The following FER1L5 variants were observed in gnomAD, a reference collection of about 807,000 sequenced individuals.
FER1L5 encodes the protein fer-1 like family member 5, also known as fer-1-like protein 5.
FER1L5 carries 187 observed loss-of-function variants against 279.9 expected under a neutral mutation model. That is an observed-to-expected ratio of 0.67 (90% CI 0.59 to 0.75). FER1L5 has a LOEUF of 0.75. Ranked by LOEUF, FER1L5 falls within the 30% of genes least tolerant of loss-of-function variation. The pLI is 0.00. For synonymous variants in FER1L5, 921 were observed against 989.7 expected, an observed-to-expected ratio of 0.93 and a Z score of 1.30; for missense variants, 2,091 against 2,594.4, an observed-to-expected ratio of 0.81 and a Z score of 4.21.
Position 96,703,311 on chromosome 2 carries a change from T to A in FER1L5, c.5656T>A (p.Cys1886Ser), listed in dbSNP as rs1204741325. ...KKKTVTGWWP[C>S]QVLDGGKWRL... ...GAAGACTGTGACTGGCTGGTGGCCT[T>A]GCCAGGTCCTCGATGGTGGCAAATG... The change falls in exon 50 of 53, where the codon TGC (cysteine) becomes AGC (serine). Residue 1886 changes from cysteine to serine, a missense_variant. Transcript: ENST00000624922. 1.9e-6 allele frequency: 3 copies of A among 1,612,972 alleles called. No homozygotes were observed. The African/African-American group carries it at 4.0e-5, about 22-fold the overall frequency.
At chr2:96,682,388 G>A (rs991284025) in intron 19 of FER1L5, among the ~76,000 whole-genome samples, 1 of 152,198 alleles carries the variant, frequency 6.6e-6, no homozygotes, top group African/African-American at 2.4e-5. Context: ...CACCGCACCC[G>A]GCCAAGAGAT....
At position 96,651,758 on chromosome 2, in the gene FER1L5, C is replaced by T. The variant is rs573687940; in HGVS notation, c.505-134C>T. 790 of 1,277,666 alleles carry T rather than the reference C, an allele frequency of 6.2e-4. 1 individual carries two copies. Among genetic ancestry groups the T allele is most frequent in the Non-Finnish European group, 8.1e-4 (752 of 924,374 alleles). The allele number at this position is 1,277,666 out of a possible 1,614,324, so 79.1% of individuals were successfully genotyped here. On this transcript the variant is annotated intron_variant, in intron 6 of 52. Transcript: ENST00000624922. ...CTGGGCTCAAGCGATTCTCCCACCT[C>T]GGCCTCCCAAAGTGCTGGGATTACA...
intron 24 of FER1L5, 59 bp downstream of exon 24, chr2:96,688,006 G>C (rs2076996960): frequency 6.5e-7 from 1 of 1,541,152 alleles, no homozygotes; most frequent in South Asian, 1.2e-5. Flanking sequence ...GGGTAGGGTG[G>C]CCTCGTAGGG....
At chr2:96,692,595 A>G (rs1006389651) in intron 31 of FER1L5, among the ~76,000 whole-genome samples, 14 of 152,212 alleles carry the variant, frequency 9.2e-5, no homozygotes, top group Non-Finnish European at 1.9e-4. Context: ...CTAGTGGGGC[A>G]TGAGGGCAAG....
intron 18 of FER1L5, among the ~76,000 whole-genome samples, chr2:96,671,106 C>CA (rs750341048): frequency 0.016 from 630 of 39,968 alleles, 68 homozygotes; most frequent in African/African-American, 0.052. Context: ...GACTCCATCT[C>CA]AAAAAAAAAA....
rs1253704332 is a variant in FER1L5, at chr2:96,693,642, G to T, written c.3429G>T (p.Glu1143Asp). The change falls in exon 32 of 53, where the codon GAG (glutamate) becomes GAT (aspartate). Residue 1143 changes from glutamate to aspartate, a missense_variant. Physicochemically the swap from Glu to Asp is conservative, Grantham distance 45. Coordinates refer to ENST00000624922, the MANE Select transcript of FER1L5 (RefSeq NM_001293083.2). ...LLYENPQDTK[E>D]SPPLVVLELW... ...ACGAGAACCCACAGGACACCAAAGA[G>T]AGCCCACCGCTTGTGGTGCTGGAGC... 6.4e-7 allele frequency: 1 copy of T among 1,551,730 alleles called. No individual in the cohort carries two copies.
intron 9 of FER1L5, among the ~76,000 whole-genome samples, chr2:96,659,291 T>TTCCTTCCTTCCG (rs1315263289): frequency 3.6e-5 from 1 of 27,612 alleles, no homozygotes; most frequent in South Asian, 3.0e-3. Flanking sequence ...TTATCAAGCT[T>TTCCTTCCTTCCG]TCCTTCCTTC....
At chr2:96,665,312 C>G (rs1444043224) in intron 14 of FER1L5, among the ~76,000 whole-genome samples, 1 of 152,208 alleles carries the variant, frequency 6.6e-6, no homozygotes, top group African/African-American at 2.4e-5. Context: ...CCCCTTCTCC[C>G]TCCTGTGAAC....
Position 96,698,450 on chromosome 2 carries a change from T to G in FER1L5, c.4357-221T>G, listed in dbSNP as rs990789369. 2.0e-5 allele frequency among the ~76,000 whole-genome samples: 3 copies of G among 152,220 alleles called. No homozygotes were observed. The highest frequency in any genetic ancestry group is 2.4e-5 in the African/African-American group (1 of 41,522). On this transcript the variant is annotated intron_variant, in intron 40 of 52. Coordinates refer to ENST00000624922, the MANE Select transcript of FER1L5 (RefSeq NM_001293083.2). This position sits in a 1 kb window ranked among gnomAD's most constrained non-coding sequence, Gnocchi z 5.5. ...GTCCACAGCGGCACAGACGGGGAAC[T>G]CACCTACTGACTGCGGTTCCTTTGC... is the stretch of plus-strand genomic sequence containing the variant.
chr2:96,671,106 CAAAA>C lies in FER1L5; in HGVS notation c.1491+878_1491+881del, dbSNP rs750341048. Among the ~76,000 whole-genome samples, 240 of 40,214 alleles carry C rather than the reference CAAAA, an allele frequency of 6.0e-3. 2 individuals are homozygous for C. The highest frequency in any genetic ancestry group is 7.9e-3 in the South Asian group (6 of 764). 26.4% of individuals were successfully genotyped at this position (40,214 alleles called of 152,430 possible). On this transcript the variant is annotated intron_variant, in intron 18 of 52. Coordinates refer to ENST00000624922, the MANE Select transcript of FER1L5 (RefSeq NM_001293083.2). The stretch of plus-strand genomic sequence containing the variant: ...TGGGTGACAGAGTGAGACTCCATCT[CAAAA>C]AAAAAAAAAAAAAAAAAAGGAATCC...
intron 52 of FER1L5, 34 bp downstream of exon 52, chr2:96,704,396 G>C: frequency 6.2e-7 from 1 of 1,612,858 alleles, no homozygotes; most frequent in Non-Finnish European, 8.5e-7. Context: ...GGACAAAGGT[G>C]GTCTCGGGAT....
chr2:96,702,129 C>G lies in FER1L5; in HGVS notation c.5159+86C>G. ...GGCACCACTGTCCTCAGGTACTGAGCTGCAGTAATTCGTTTCTCTATTGGG... is the reference window on the plus strand; with the variant it reads ...GGCACCACTGTCCTCAGGTACTGAGGTGCAGTAATTCGTTTCTCTATTGGG... On this transcript the variant is annotated intron_variant, in intron 46 of 52. Coordinates refer to ENST00000624922, the MANE Select transcript of FER1L5 (RefSeq NM_001293083.2). The surrounding 1 kb of genome is among the most constrained non-coding windows in gnomAD (Gnocchi z 4.0). 6.4e-7 allele frequency: 1 copy of G among 1,567,796 alleles called. No individual in the cohort carries two copies. The highest frequency in any genetic ancestry group is 8.7e-7 in the Non-Finnish European group (1 of 1,147,640).
chr2:96,650,524 A>C (rs557262821), intron 6 of FER1L5, among the ~76,000 whole-genome samples: 1 of 152,340 alleles, frequency 6.6e-6, no homozygotes, highest in African/African-American at 2.4e-5. Context: ...CCAGCTGTGC[A>C]CTGGCAGGCC....
chr2:96,700,299 G>A (rs771583560), intron 44 of FER1L5, 33 bp from the exon 45 acceptor site: 7 of 1,609,122 alleles, frequency 4.4e-6, no homozygotes, highest in Middle Eastern at 1.6e-4. Context: ...TAATGACCTC[G>A]CAATCCCCTC....
intron 19 of FER1L5, among the ~76,000 whole-genome samples, chr2:96,674,361 T>G (rs2076434922): frequency 6.6e-6 from 1 of 152,188 alleles, no homozygotes. Flanking sequence ...TAGCTGGGAC[T>G]ACAGGCACAT....
chr2:96,657,183 C>T (rs1166859980), intron 9 of FER1L5, among the ~76,000 whole-genome samples: 1 of 151,772 alleles, frequency 6.6e-6, no homozygotes, highest in East Asian at 1.9e-4. Flanking sequence ...AAGCAATTCT[C>T]ATGCCTAAGC....
At chr2:96,696,320 T>C (rs1438676187) in intron 37 of FER1L5, among the ~76,000 whole-genome samples, 1 of 152,116 alleles carries the variant, frequency 6.6e-6, no homozygotes, top group Non-Finnish European at 1.5e-5. Context: ...GAGACACAGT[T>C]TTGCTCTTGT....
chr2:96,689,705 G>A lies in FER1L5; in HGVS notation c.2587G>A (p.Gly863Ser). Reference sequence around the variant, plus strand: ...GCTGGAGGAGGTATATGAGAACCAGGGCCGTGACACCAGAGGGGCCTGGGG... The same window carrying A: ...GCTGGAGGAGGTATATGAGAACCAGAGCCGTGACACCAGAGGGGCCTGGGG... ...QVLEEVYENQ[G>S]RDTRGAWGPA... The change falls in exon 26 of 53, where the codon GGC becomes AGC. Residue 863 changes from glycine (G) to serine (S), a missense_variant. Physicochemically the swap from Gly to Ser is moderately conservative, Grantham distance 56. Transcript: ENST00000624922. The surrounding 1 kb of genome is among the most constrained non-coding windows in gnomAD (Gnocchi z 4.6). 2 of 1,550,900 alleles carry A rather than the reference G, an allele frequency of 1.3e-6. No individual in the cohort carries two copies. Among genetic ancestry groups the A allele is most frequent in the Non-Finnish European group, 1.7e-6 (2 of 1,146,856 alleles).
In FER1L5 at chr2:96,689,874, G is replaced by A. The variant is rs982947646; in HGVS notation, c.2640+116G>A. On this transcript the variant is annotated intron_variant, in intron 26 of 52. Transcript: ENST00000624922. This position sits in a 1 kb window ranked among gnomAD's most constrained non-coding sequence, Gnocchi z 4.6. ...CTGAGCCCTATGCCCTGCACTATGTGTGGGGCCCCGGGTGAGCGCACCAGC... is the reference window on the plus strand; with the variant it reads ...CTGAGCCCTATGCCCTGCACTATGTATGGGGCCCCGGGTGAGCGCACCAGC... 5 of 874,726 alleles carry A rather than the reference G, an allele frequency of 5.7e-6. No homozygotes were observed. In the Admixed American group the frequency reaches 8.8e-5, roughly 15 times the overall value. The allele number at this position is 874,726 out of a possible 1,614,324, so 54.2% of individuals were successfully genotyped here. A position where few individuals can be genotyped will look rare whatever the true frequency, so the allele number is the denominator to read the frequency against.
Sources: gnomAD v4.1 joint callset for allele counts (sites outside exome capture counted in the v4.1 genomes callset) on GRCh38, gnomAD v4.1.1 for gene constraint, Gnocchi (gnomAD v3.1) non-coding constraint, MANE v1.5 for transcripts, NCBI Gene and HGNC (gene_info 2026-07-23, HGNC 2026-07-21) for gene names.